Variants in IFT122 observed in about 807,000 individuals in gnomAD.
IFT122 encodes intraflagellar transport protein 122 homolog.
In IFT122, 118 loss-of-function variants were observed where a neutral mutation model predicts 161.6. The ratio of observed to expected loss-of-function variants is 0.73; its 90% CI spans 0.63 to 0.85. The LOEUF is 0.85. IFT122 is among the 40% of genes least tolerant of loss of function. IFT122 has a pLI of 0.00. For synonymous variants in IFT122, 550 were observed against 602.4 expected (o/e 0.91, Z 1.27); for missense variants, 1,381 against 1,579.6 (o/e 0.87, Z 2.13).
At chr3:129,477,953 T>A in intron 11 of IFT122, 63 bp from the exon 12 acceptor site, 1 of 1,394,878 alleles carries the variant, frequency 7.2e-7, no homozygotes, top group Admixed American at 1.7e-5. Flanking sequence ...GGCTTTTAAT[T>A]TCTCTGCCTT....
chr3:129,511,744 A>T (rs2082858877), intron 23 of IFT122, among the ~76,000 whole-genome samples: 1 of 152,134 alleles, frequency 6.6e-6, no homozygotes, highest in Non-Finnish European at 1.5e-5. Flanking sequence ...GCAGTTGAGG[A>T]ACTCCGCATG....
At chr3:129,514,944 T>C in intron 25 of IFT122, 1 of 389,052 alleles carries the variant, frequency 2.6e-6, no homozygotes, top group Non-Finnish European at 4.9e-6. Context: ...CTCCAGCAAA[T>C]CTACCCCACA....
chr3:129,476,029 C>T lies in IFT122; in HGVS notation c.817-286C>T, dbSNP rs1003946903. 8.2e-5 allele frequency: 39 copies of T among 473,158 alleles called. 1 individual carries two copies. The highest frequency in any genetic ancestry group is 1.8e-4 in the South Asian group (8 of 45,404). 29.3% of individuals were successfully genotyped at this position (473,158 alleles called of 1,614,324 possible). On this transcript the variant is annotated intron_variant, in intron 9 of 29. Coordinates refer to ENST00000348417, the MANE Select transcript of IFT122 (RefSeq NM_052989.3). Reference sequence around the variant, plus strand: ...AAACCACCCACAGTCTCCATCTTGGCGGAGGAGCCCTGACACACTCCTGCA... The same window carrying T: ...AAACCACCCACAGTCTCCATCTTGGTGGAGGAGCCCTGACACACTCCTGCA...
At chr3:129,480,255 C>G (rs551782653) in intron 13 of IFT122, among the ~76,000 whole-genome samples, 8 of 152,286 alleles carry the variant, frequency 5.3e-5, no homozygotes, top group African/African-American at 1.9e-4. Flanking sequence ...AGGCAGAGAT[C>G]GTTACCTAGG....
At chr3:129,474,082 G>A (rs1019239446) in intron 9 of IFT122, among the ~76,000 whole-genome samples, 1 of 152,164 alleles carries the variant, frequency 6.6e-6, no homozygotes, top group African/African-American at 2.4e-5. Context: ...CTAGGCATTT[G>A]AAATTCCTAT....
At chr3:129,488,973 A>G (rs555041014) in intron 16 of IFT122, among the ~76,000 whole-genome samples, 1 of 152,072 alleles carries the variant, frequency 6.6e-6, no homozygotes, top group South Asian at 2.1e-4. Context: ...AGCTAGAGAG[A>G]TGGCTGAAAA....
At chr3:129,485,917 G>A (rs895702682) in intron 15 of IFT122, among the ~76,000 whole-genome samples, 2 of 152,260 alleles carry the variant, frequency 1.3e-5, no homozygotes, top group Non-Finnish European at 2.9e-5. Flanking sequence ...TTGGCCCAGA[G>A]AGGAGGGAGA....
In IFT122 at chr3:129,513,156, C is replaced by T. The variant is rs187632639; in HGVS notation, c.2987+744C>T. On this transcript the variant is annotated intron_variant, in intron 24 of 29. Transcript: ENST00000348417. ...GGGTTTTCCTCTCTTCTGTAGCCAT[C>T]GAGGGCCACAGTGGTACCATAAGCA... is the stretch of plus-strand genomic sequence containing the variant. The T allele has an allele frequency of 3.4e-3, 527 of 153,222 alleles. 2 individuals carry two copies. Among genetic ancestry groups the T allele is most frequent in the Middle Eastern group, 6.6e-3 (2 of 302 alleles). The allele number at this position is 153,222 out of a possible 1,614,324, so 9.5% of individuals were successfully genotyped here. A position where few individuals can be genotyped will look rare whatever the true frequency, so the allele number is the denominator to read the frequency against.
chr3:129,519,398 A>C (rs947636430), intron 28 of IFT122, among the ~76,000 whole-genome samples, 170 bp from the exon 29 acceptor site: 2 of 152,210 alleles, frequency 1.3e-5, no homozygotes, highest in African/African-American at 4.8e-5. Flanking sequence ...GTCTGTGGAC[A>C]GGGAGGCAGC....
intron 28 of IFT122, 30 bp from the exon 29 acceptor site, chr3:129,519,538 C>T (rs2084478724): frequency 1.1e-5 from 17 of 1,611,424 alleles, no homozygotes; most frequent in Non-Finnish European, 1.3e-5. Context: ...TGAGTGAGGA[C>T]ACTGTGCCTC....
rs749445788 is a variant in IFT122 at position 129,488,340 on chromosome 3, T to C, written c.1935T>C (p.Asp645=). 1 of 1,614,230 alleles carries C rather than the reference T, an allele frequency of 6.2e-7. No individual in the cohort carries two copies. The highest frequency in any genetic ancestry group is 8.5e-7 in the Non-Finnish European group (1 of 1,180,040). ...CTTGCTTGGGTGTCACAGACACTGATTGGCGTGAACTGGCCATGGAAGCGC... is the reference window on the plus strand; with the variant it reads ...CTTGCTTGGGTGTCACAGACACTGACTGGCGTGAACTGGCCATGGAAGCGC... ...QIACLGVTDT[D]WRELAMEALE... Residue 645 remains aspartate, a synonymous_variant, in exon 16 of 30, where the codon GAT becomes GAC. Coordinates refer to ENST00000348417, the MANE Select transcript of IFT122 (RefSeq NM_052989.3).
chr3:129,466,411 A>G (rs942067134), intron 7 of IFT122, among the ~76,000 whole-genome samples: 3 of 151,172 alleles, frequency 2.0e-5, no homozygotes, highest in Non-Finnish European at 4.4e-5. Context: ...TTTTTAATTC[A>G]TGAGAAGCAG....
chr3:129,470,099 GA>G (rs563909337), intron 9 of IFT122, among the ~76,000 whole-genome samples: 1 of 149,486 alleles, frequency 6.7e-6, no homozygotes, highest in Non-Finnish European at 1.5e-5. Context: ...GTTTCAGGCA[GA>G]AAAAAAAATA....
At chr3:129,459,742 CT>C (rs1346347309) in intron 4 of IFT122, among the ~76,000 whole-genome samples, 25 of 97,172 alleles carry the variant, frequency 2.6e-4, no homozygotes, top group African/African-American at 1.2e-3. Context: ...CCCTCCCTCC[CT>C]TCTTCCTTCC....
intron 1 of IFT122, among the ~76,000 whole-genome samples, chr3:129,447,118 C>G (rs918770547): frequency 6.6e-6 from 1 of 152,138 alleles, no homozygotes; most frequent in East Asian, 1.9e-4. Context: ...ATTTTGATTA[C>G]TTGTGTTGGC....
rs1425970971 is a variant in IFT122 at position 129,476,212 on chromosome 3, T to C, written c.817-103T>C. ...AAAGGCTGGCCAGCTCTCCCTGTCT[T>C]CCCAACTCCCTCTAAAGTTGGCGAG... On this transcript the variant is annotated intron_variant, in intron 9 of 29. Coordinates refer to ENST00000348417, the MANE Select transcript of IFT122 (RefSeq NM_052989.3). 4.7e-6 allele frequency: 6 copies of C among 1,288,020 alleles called. No individual in the cohort carries two copies. The African/African-American group carries it at 8.8e-5, about 19-fold the overall frequency. The allele number at this position is 1,288,020 out of a possible 1,614,324, so 79.8% of individuals were successfully genotyped here.
At chr3:129,480,037 C>G in intron 13 of IFT122, 115 bp downstream of exon 13, 1 of 1,300,342 alleles carries the variant, frequency 7.7e-7, no homozygotes, top group Non-Finnish European at 1.1e-6. Flanking sequence ...CTTCTCTCCT[C>G]CATGGGTGAA....
intron 8 of IFT122, among the ~76,000 whole-genome samples, chr3:129,469,066 T>A (rs1243456353): frequency 6.6e-6 from 1 of 152,202 alleles, no homozygotes; most frequent in Non-Finnish European, 1.5e-5. Flanking sequence ...GAGAGGTTTA[T>A]CTTCTTCAGC....
chr3:129,485,253 G>T (rs1336107419), intron 15 of IFT122, among the ~76,000 whole-genome samples: 1 of 152,142 alleles, frequency 6.6e-6, no homozygotes, highest in Non-Finnish European at 1.5e-5. Flanking sequence ...AAGACTTTTA[G>T]GGAAATTTCC....
Sources: allele counts gnomAD v4.1 joint callset (sites outside exome capture counted in the v4.1 genomes callset), GRCh38; gene constraint gnomAD v4.1.1; transcripts MANE v1.5; gene names NCBI Gene and HGNC (gene_info 2026-07-23, HGNC 2026-07-21).